TIA1: variants seen among roughly 807,000 people sequenced by gnomAD.
The protein encoded by TIA1 is TIA1 cytotoxic granule associated RNA binding protein.
Under a neutral mutation model 65.9 loss-of-function variants are expected in TIA1, and 23 were observed. The observed-to-expected ratio is 0.35, with a 90% confidence interval of 0.25 to 0.49. The LOEUF (loss-of-function observed/expected upper bound fraction) is 0.49. Ranked by LOEUF, TIA1 falls within the 20% of genes least tolerant of loss-of-function variation. The pLI is 0.98. For synonymous variants in TIA1, 147 were observed against 149.4 expected (o/e 0.98, Z 0.12); for missense variants, 371 against 477.9 (o/e 0.78, Z 2.09).
intron 5 of TIA1, chr2:70,228,765 A>C: frequency 7.6e-7 from 1 of 1,307,232 alleles, no homozygotes; most frequent in East Asian, 3.3e-5. Context: ...AGATCTGGGT[A>C]TGAAGCCCAA....
intron 5 of TIA1, 164 bp downstream of exon 5, chr2:70,228,895 A>G: frequency 6.8e-7 from 1 of 1,460,630 alleles, no homozygotes; most frequent in Middle Eastern, 2.5e-4. Flanking sequence ...CGGACAAGTT[A>G]TACTTGGTCA....
At chr2:70,230,166 C>A (rs1685551274) in intron 3 of TIA1, among the ~76,000 whole-genome samples, 1 of 150,642 alleles carries the variant, frequency 6.6e-6, no homozygotes, top group Non-Finnish European at 1.5e-5. Flanking sequence ...TGGCATGAAC[C>A]CGGAAGGCAG....
intron 7 of TIA1, among the ~76,000 whole-genome samples, chr2:70,221,140 G>A (rs922669286): frequency 2.6e-5 from 4 of 152,106 alleles, no homozygotes; most frequent in South Asian, 2.1e-4. Context: ...CTGAGTAGCC[G>A]TGATTACAGG....
intron 6 of TIA1, 73 bp downstream of exon 6, chr2:70,227,657 CAACAG>C: frequency 3.2e-6 from 3 of 949,976 alleles, no homozygotes; most frequent in African/African-American, 3.3e-5. Flanking sequence ...ACAAAATTCA[CAACAG>C]AATTATTTTC....
intron 1 of TIA1, among the ~76,000 whole-genome samples, chr2:70,243,262 C>T (rs757186453): frequency 6.6e-6 from 1 of 152,168 alleles, no homozygotes; most frequent in South Asian, 2.1e-4. Flanking sequence ...CGCTTCTCTA[C>T]AAATATTTTT....
At chr2:70,217,590 G>C (rs982607066) in intron 7 of TIA1, among the ~76,000 whole-genome samples, 1 of 152,034 alleles carries the variant, frequency 6.6e-6, no homozygotes, top group East Asian at 1.9e-4. Flanking sequence ...GTAGAGACAC[G>C]GTTTCGCCAT....
intron 1 of TIA1, 91 bp downstream of exon 1, chr2:70,248,314 G>A: frequency 7.0e-7 from 1 of 1,431,642 alleles, no homozygotes; most frequent in South Asian, 1.4e-5. Flanking sequence ...CGGTGTCCAC[G>A]GAGAACAATA....
At chr2:70,228,036 C>T (rs891466768) in intron 5 of TIA1, among the ~76,000 whole-genome samples, 2 of 152,110 alleles carry the variant, frequency 1.3e-5, no homozygotes, top group Non-Finnish European at 2.9e-5. Flanking sequence ...GACTGTGATA[C>T]ATCTAACTGT....
Position 70,216,957 on chromosome 2 carries a change from C to T in TIA1, c.512G>A (p.Trp171Ter), listed in dbSNP as rs1157053717. 6.2e-7 allele frequency: 1 copy of T among 1,613,662 alleles called. No individual in the cohort carries two copies. Among genetic ancestry groups the T allele is most frequent in the Non-Finnish European group, 8.5e-7 (1 of 1,179,770 alleles). Residue 171 changes from tryptophan (W) to a stop codon, truncating the protein, a stop_gained, in exon 8 of 13, where the codon TGG becomes TAG. Coordinates refer to ENST00000433529, the MANE Select transcript of TIA1 (RefSeq NM_022173.4). LOFTEE classifies it high-confidence loss of function. ...AGTTCTGATTTGTCTTCCACCAAGC[C>T]ACTGGCCACCCATCTGTTGAATGGC... Reference protein sequence around the residue: ...ENAIQQMGGQWLGGRQIRTNW... With the variant: ...ENAIQQMGGQ
Position 70,216,241 on chromosome 2 carries a change from C to T in TIA1, c.731G>A (p.Arg244Gln), listed in dbSNP as rs777224522. The T allele has an allele frequency of 1.9e-6, 3 of 1,591,290 alleles. No homozygotes were observed. The highest frequency in any genetic ancestry group is 1.9e-5 in the Admixed American group (1 of 53,480). ...TGAATATCCTTTATCTGGAAAGACT[C>T]GAATTTCCATTATTTGTCCAAATGG... ...FSPFGQIMEI[R>Q]VFPDKGYSFV... Residue 244 changes from arginine (R) to glutamine (Q), a missense_variant, in exon 10 of 13, where the codon CGA becomes CAA. Coordinates refer to ENST00000433529, the MANE Select transcript of TIA1 (RefSeq NM_022173.4).
chr2:70,214,663 A>C (rs1244199149), intron 11 of TIA1, among the ~76,000 whole-genome samples, 169 bp from the exon 12 acceptor site: 7 of 152,102 alleles, frequency 4.6e-5, no homozygotes, highest in South Asian at 2.1e-4. Context: ...AAAAAACAAA[A>C]AACAACAACA....
chr2:70,234,910 A>C (rs1688110837), intron 2 of TIA1, among the ~76,000 whole-genome samples: 1 of 152,142 alleles, frequency 6.6e-6, no homozygotes, highest in South Asian at 2.1e-4. Context: ...ACTGGAATAC[A>C]ACAGGAAAGA....
intron 2 of TIA1, among the ~76,000 whole-genome samples, chr2:70,232,975 T>A (rs1227552937): frequency 1.3e-5 from 2 of 152,002 alleles, no homozygotes; most frequent in African/African-American, 4.8e-5. Flanking sequence ...CAGAAAAAAA[T>A]TCCAATTTTT....
chr2:70,222,807 G>C (rs1467999722), intron 7 of TIA1, among the ~76,000 whole-genome samples: 1 of 152,204 alleles, frequency 6.6e-6, no homozygotes, highest in Non-Finnish European at 1.5e-5. Context: ...CCAGCTACTT[G>C]GGAGGCTGAG....
intron 1 of TIA1, among the ~76,000 whole-genome samples, chr2:70,241,020 C>A (rs1691438511): frequency 6.6e-6 from 1 of 152,110 alleles, no homozygotes; most frequent in Admixed American, 6.6e-5. Flanking sequence ...TAGAAAATCA[C>A]CATTAAAACA....
At chr2:70,229,371 C>T in intron 3 of TIA1, 53 bp from the exon 4 acceptor site, 1 of 1,460,104 alleles carries the variant, frequency 6.8e-7, no homozygotes, top group Non-Finnish European at 9.5e-7. Context: ...AGCCCAAAAT[C>T]ACATTTGTAT....
At chr2:70,230,947 T>C (rs780856163) in intron 2 of TIA1, 93 bp from the exon 3 acceptor site, 1 of 858,534 alleles carries the variant, frequency 1.2e-6, no homozygotes, top group Non-Finnish European at 1.8e-6. Context: ...CCAAGTTTTA[T>C]ACATCTAAGT....
chr2:70,235,541 A>AGTGTGTGTGTGTGTGTGT (rs145663932), intron 2 of TIA1, among the ~76,000 whole-genome samples: 85 of 147,316 alleles, frequency 5.8e-4, no homozygotes, highest in African/African-American at 2.0e-3. Context: ...TAGATGAATG[A>AGTGTGTGTGTGTGTGTGT]GTGTGTGTGT....
chr2:70,212,772 T>C lies in TIA1; in HGVS notation c.1108A>G (p.Met370Val), dbSNP rs752969561. The change falls in exon 13 of 13, where the codon ATG (methionine) becomes GTG (valine). Residue 370 changes from methionine (M) to valine (V), a missense_variant. By Grantham distance (21) the Met-to-Val change is conservative. Coordinates refer to ENST00000433529, the MANE Select transcript of TIA1 (RefSeq NM_022173.4). ...VQPPQGQNGS[M>V]LPNQPSGYRV... ...TACCCAGAAGGCTGATTGGGCAACA[T>C]GCTGCCATTTTGCCCTTGAGGCGGT... 26 of 1,614,064 alleles carry C rather than the reference T, an allele frequency of 1.6e-5. No individual in the cohort carries two copies. The Admixed American group carries it at 2.2e-4, about 13-fold the overall frequency.
Sources: gnomAD v4.1 joint callset for allele counts (sites outside exome capture counted in the v4.1 genomes callset) on GRCh38, gnomAD v4.1.1 for gene constraint, MANE v1.5 for transcripts, NCBI Gene and HGNC (gene_info 2026-07-23, HGNC 2026-07-21) for gene names.